WDFY4: variants seen among roughly 807,000 people sequenced by gnomAD.
WDFY4 encodes the protein WDFY family member 4.
In WDFY4, 169 loss-of-function variants were observed where a neutral mutation model predicts 351.9. The ratio of observed to expected loss-of-function variants is 0.48; its 90% CI spans 0.42 to 0.55. The LOEUF is 0.55. Ranked by LOEUF, WDFY4 falls within the 20% of genes least tolerant of loss-of-function variation. The probability of loss-of-function intolerance (pLI) is 0.00; values close to 1 mark genes in which losing one functional copy is unlikely to be tolerated. For synonymous variants in WDFY4, 1,622 were observed against 1,574.6 expected, an observed-to-expected ratio of 1.03 and a Z score of -0.71; for missense variants, 3,803 against 3,935.6, an observed-to-expected ratio of 0.97 and a Z score of 0.90.
rs2133002938 is a variant in WDFY4, at chr10:48,822,469, C to T, written c.5914C>T (p.Leu1972=). ...SCFTQKLVEK[L]YSGMFSADPR... ...CTTCACCCAGAAGCTGGTGGAGAAGCTGTACAGTGGGATGTTCTCGGCAGA... is the reference window on the plus strand; with the variant it reads ...CTTCACCCAGAAGCTGGTGGAGAAGTTGTACAGTGGGATGTTCTCGGCAGA... Residue 1972 remains leucine, a synonymous_variant, in exon 35 of 62, where the codon CTG becomes TTG. Coordinates refer to ENST00000325239, the MANE Select transcript of WDFY4 (RefSeq NM_001394531.1). The T allele has an allele frequency of 2.6e-6, 4 of 1,551,312 alleles. No homozygotes were observed. The East Asian group carries it at 9.8e-5, about 38-fold the overall frequency.
At chr10:48,731,618 C>A in intron 9 of WDFY4, 56 bp downstream of exon 9, 2 of 1,490,144 alleles carry the variant, frequency 1.3e-6, no homozygotes, top group Non-Finnish European at 8.9e-7. Context: ...CCAGGCCTGA[C>A]CTTTGGGCCA....
At chr10:48,698,341 G>C (rs934520960) in intron 1 of WDFY4, among the ~76,000 whole-genome samples, 2 of 152,214 alleles carry the variant, frequency 1.3e-5, no homozygotes, top group Non-Finnish European at 2.9e-5. Context: ...GCGTGCCAGG[G>C]CTTGAAGCTT....
At chr10:48,861,914 A>G (rs1324576897) in intron 39 of WDFY4, among the ~76,000 whole-genome samples, 1 of 152,196 alleles carries the variant, frequency 6.6e-6, no homozygotes, top group Admixed American at 6.5e-5. Flanking sequence ...TGTTCAGAAT[A>G]GCTACTTGCT....
intron 47 of WDFY4, among the ~76,000 whole-genome samples, chr10:48,934,995 C>G (rs1840265977): frequency 6.6e-6 from 1 of 152,172 alleles, no homozygotes; most frequent in South Asian, 2.1e-4. Context: ...GCTTCCTCCT[C>G]TCCTAAATAA....
chr10:48,778,553 A>G, intron 17 of WDFY4, 58 bp from the exon 18 acceptor site: 2 of 1,497,512 alleles, frequency 1.3e-6, no homozygotes, highest in Non-Finnish European at 1.8e-6. Context: ...GTGAATCTGA[A>G]CATGCATGCT....
chr10:48,855,147 A>G (rs1276697629), intron 39 of WDFY4, among the ~76,000 whole-genome samples: 1 of 152,130 alleles, frequency 6.6e-6, no homozygotes, highest in African/African-American at 2.4e-5. Flanking sequence ...TTGTTTTTAT[A>G]TTTTTTAGTG....
chr10:48,909,240 T>C (rs1243658502), intron 47 of WDFY4, among the ~76,000 whole-genome samples: 2 of 152,266 alleles, frequency 1.3e-5, no homozygotes, highest in Non-Finnish European at 2.9e-5. Flanking sequence ...TTTATTACAA[T>C]TATCAAAATG....
At chr10:48,696,873 G>T (rs1398480717) in intron 1 of WDFY4, among the ~76,000 whole-genome samples, 1 of 152,264 alleles carries the variant, frequency 6.6e-6, no homozygotes, top group Non-Finnish European at 1.5e-5. Flanking sequence ...TTTCTGCAAT[G>T]TTGCAAGGAC....
intron 36 of WDFY4, among the ~76,000 whole-genome samples, chr10:48,827,501 G>A (rs569076198): frequency 6.8e-6 from 1 of 146,080 alleles, no homozygotes; most frequent in South Asian, 2.3e-4. Context: ...GAGAGAGACA[G>A]GAATTATGTT....
intron 7 of WDFY4, 124 bp downstream of exon 7, chr10:48,727,783 A>G (rs2064319069): frequency 4.0e-6 from 5 of 1,240,290 alleles, no homozygotes; most frequent in Non-Finnish European, 5.5e-6. Context: ...GAGACCTCTT[A>G]TTTGCAAAAG....
At chr10:48,913,546 TCTC>T (rs1838208566) in intron 47 of WDFY4, 2 of 1,613,970 alleles carry the variant, frequency 1.2e-6, no homozygotes, top group South Asian at 1.1e-5. Context: ...CACAGATCCT[TCTC>T]CTCCACAACA....
At chr10:48,866,167 G>A (rs2069534863) in intron 39 of WDFY4, among the ~76,000 whole-genome samples, 1 of 151,942 alleles carries the variant, frequency 6.6e-6, no homozygotes, top group African/African-American at 2.4e-5. Context: ...GTCTTCAGAT[G>A]GAAGTTTCAG....
chr10:48,962,693 C>T (rs1841915092), intron 53 of WDFY4, among the ~76,000 whole-genome samples: 1 of 152,202 alleles, frequency 6.6e-6, no homozygotes, highest in South Asian at 2.1e-4. Context: ...ATGTTGCTGA[C>T]TTCTGGTGGG....
At chr10:48,976,204 C>A (rs148332817) in intron 58 of WDFY4, among the ~76,000 whole-genome samples, 1 of 152,288 alleles carries the variant, frequency 6.6e-6, no homozygotes, top group East Asian at 1.9e-4. Context: ...GGGCAAGGCT[C>A]AAAGGGATGG....
chr10:48,975,004 G>A lies in WDFY4; in HGVS notation c.9071G>A (p.Arg3024Gln), dbSNP rs200804119. 4.5e-5 allele frequency: 70 copies of A among 1,551,532 alleles called. No homozygotes were observed. The highest frequency in any genetic ancestry group is 5.5e-5 in the Non-Finnish European group (63 of 1,146,998). The change falls in exon 58 of 62, where the codon CGG becomes CAG. Residue 3024 changes from arginine to glutamine, a missense_variant. This residue lies in a region of WDFY4 where 3,054 missense variants were observed against 3,148.6 expected (regional missense o/e 0.97). Transcript: ENST00000325239. ...CACGTGACCCGCCTGCCCGCCCATC[G>A]GGAAGGCATCTCAGCCATCACCATC... ...LTHVTRLPAH[R>Q]EGISAITISD...
Position 48,892,654 on chromosome 10 carries a change from G to A in WDFY4, c.7316+1927G>A, listed in dbSNP as rs138552743. 8.7e-4 allele frequency among the ~76,000 whole-genome samples: 132 copies of A among 152,274 alleles called. 3 individuals carry two copies. The East Asian group carries it at 0.024, about 28-fold the overall frequency. ...TATTTTGACCATGGAGATTAAAGAA[G>A]ATACATAAATAAACTTGTTAAAAAT... On this transcript the variant is annotated intron_variant, in intron 44 of 61. Coordinates refer to ENST00000325239, the MANE Select transcript of WDFY4 (RefSeq NM_001394531.1).
chr10:48,901,754 A>C (rs200269224), intron 46 of WDFY4, 47 bp from the exon 47 acceptor site: 2 of 1,540,062 alleles, frequency 1.3e-6, no homozygotes, highest in Admixed American at 3.9e-5. Flanking sequence ...AGCAGGAGAA[A>C]GGGTCTTGAC....
intron 24 of WDFY4, among the ~76,000 whole-genome samples, chr10:48,798,914 G>A (rs2066963075): frequency 6.6e-6 from 1 of 152,232 alleles, no homozygotes; most frequent in South Asian, 2.1e-4. Context: ...GATTGTGGAG[G>A]AAGCCAGCAT....
rs1276074515 is a variant in WDFY4, at chr10:48,806,027, C to T, written c.4670C>T (p.Thr1557Ile). The T allele has an allele frequency of 6.4e-7, 1 of 1,551,716 alleles. No individual in the cohort carries two copies. Among genetic ancestry groups the T allele is most frequent in the East Asian group, 2.4e-5 (1 of 40,910 alleles). ...LLRIGLFVVY[T>I]LKPSSVNERQ... is the part of the protein sequence containing the mutation. Reference sequence around the variant, plus strand: ...AGGATTGGGCTGTTTGTTGTGTACACCCTCAAGCCTTCGTCGGTGAATGAG... The same window carrying T: ...AGGATTGGGCTGTTTGTTGTGTACATCCTCAAGCCTTCGTCGGTGAATGAG... The change falls in exon 27 of 62, where the codon ACC becomes ATC. Residue 1557 changes from threonine to isoleucine, a missense_variant. Physicochemically the swap from Thr to Ile is moderately conservative, Grantham distance 89. Transcript: ENST00000325239.
Sources: allele counts gnomAD v4.1 joint callset (sites outside exome capture counted in the v4.1 genomes callset), GRCh38; gene constraint gnomAD v4.1.1; regional missense constraint gnomAD v4.1.1; transcripts MANE v1.5; gene names NCBI Gene and HGNC (gene_info 2026-07-23, HGNC 2026-07-21).